The following NEDD1 variants were observed in gnomAD, a reference collection of about 807,000 sequenced individuals.
NEDD1 encodes NEDD1 gamma-tubulin ring complex targeting factor.
Under a neutral mutation model 74.0 loss-of-function variants are expected in NEDD1, and 33 were observed. The ratio of observed to expected loss-of-function variants is 0.45; its 90% CI spans 0.34 to 0.60. The LOEUF (loss-of-function observed/expected upper bound fraction) is 0.60. NEDD1 is among the 20% of genes least tolerant of loss of function. The pLI is 0.01. For missense variants in NEDD1, 746 were observed against 776.5 expected (o/e 0.96, Z 0.47); for synonymous variants, 250 against 264.4 (o/e 0.95, Z 0.53).
chr12:96,907,356 C>T (rs1440124588), intron 1 of NEDD1, 56 bp downstream of exon 1: 3 of 404,082 alleles, frequency 7.4e-6, no homozygotes, highest in Non-Finnish European at 1.3e-5. Context: ...GTCCGCGCAC[C>T]CTCCCGATCC....
chr12:96,909,969 A>T, intron 3 of NEDD1, 74 bp downstream of exon 3: 1 of 1,510,612 alleles, frequency 6.6e-7, no homozygotes, highest in Non-Finnish European at 8.9e-7. Context: ...ACTGTCAATG[A>T]AACTTTTGCA....
chr12:96,920,382 G>A (rs1180351608), intron 6 of NEDD1, among the ~76,000 whole-genome samples: 1 of 151,660 alleles, frequency 6.6e-6, no homozygotes, highest in African/African-American at 2.4e-5. Flanking sequence ...ACAAATAGTT[G>A]TTAATAGGTT....
rs1878750125 is a variant in NEDD1 at position 96,951,982 on chromosome 12, G to A, written c.1912G>A (p.Val638Met). 1 of 1,600,356 alleles carries A rather than the reference G, an allele frequency of 6.2e-7. No homozygotes were observed. Among genetic ancestry groups the A allele is most frequent in the African/African-American group, 1.3e-5 (1 of 74,584 alleles). Residue 638 changes from valine to methionine, a missense_variant, in exon 16 of 16, where the codon GTG (valine) becomes ATG (methionine). Physicochemically the swap from Val to Met is conservative, Grantham distance 21. Coordinates refer to ENST00000266742, the MANE Select transcript of NEDD1 (RefSeq NM_152905.4). ...EMHSLLERYSVNEGLVAEIER... is the reference protein window; with the variant it reads ...EMHSLLERYSMNEGLVAEIER... The stretch of plus-strand genomic sequence containing the variant: ...GCATTCTTTGCTGGAAAGATACTCA[G>A]TGAATGAAGGTTTAGTGGCTGAAAT...
intron 4 of NEDD1, among the ~76,000 whole-genome samples, chr12:96,916,159 A>G (rs1326263713): frequency 6.6e-6 from 1 of 151,926 alleles, no homozygotes; most frequent in Non-Finnish European, 1.5e-5. Flanking sequence ...GGTAGGGCCC[A>G]AATAATAGGA....
rs4762341 is a variant in NEDD1, at chr12:96,944,129, C to G, written c.1497+367C>G. The stretch of plus-strand genomic sequence containing the variant: ...GAATGGAATTTATCATTGTTACTTT[C>G]TGCTAAAATATATATATATAATACA... On this transcript the variant is annotated intron_variant, in intron 12 of 15. Transcript: ENST00000266742. Among the ~76,000 whole-genome samples the G allele has an allele frequency of 1.0e-2, 1,516 of 152,016 alleles. 67 individuals carry two copies. The highest frequency in any genetic ancestry group is 0.094 in the East Asian group (488 of 5,166).
chr12:96,917,743 C>T lies in NEDD1; in HGVS notation c.348+6C>T. ...GAGTTCATCGATCTCTTAAGGTAAGCAATTTAAAAAAAATCTTCATGAAAA... is the reference window on the plus strand; with the variant it reads ...GAGTTCATCGATCTCTTAAGGTAAGTAATTTAAAAAAAATCTTCATGAAAA... On this transcript the variant is annotated splice_donor_region_variant and intron_variant, in intron 5 of 15. Coordinates refer to ENST00000266742, the MANE Select transcript of NEDD1 (RefSeq NM_152905.4). 1.3e-6 allele frequency: 2 copies of T among 1,538,666 alleles called. No homozygotes were observed. The highest frequency in any genetic ancestry group is 1.7e-6 in the Non-Finnish European group (2 of 1,155,330).
chr12:96,935,684 T>C (rs914315987), intron 7 of NEDD1, among the ~76,000 whole-genome samples: 3 of 152,152 alleles, frequency 2.0e-5, no homozygotes, highest in African/African-American at 7.2e-5. Flanking sequence ...CATTGTCAGA[T>C]GTCCCCTGGT....
At chr12:96,947,489 G>A (rs1878309107) in intron 14 of NEDD1, among the ~76,000 whole-genome samples, 1 of 152,174 alleles carries the variant, frequency 6.6e-6, no homozygotes, top group African/African-American at 2.4e-5. Flanking sequence ...AGTTGTGAAG[G>A]TCTTAACACA....
intron 10 of NEDD1, among the ~76,000 whole-genome samples, chr12:96,942,179 A>C (rs182680156): frequency 5.3e-4 from 81 of 152,100 alleles, no homozygotes; most frequent in African/African-American, 1.6e-3. Flanking sequence ...TTGTGAGCTT[A>C]TCTGGACATT....
rs1877203780 is a variant in NEDD1 at position 96,937,217 on chromosome 12, G to A, written c.941G>A (p.Cys314Tyr). 1 of 1,599,980 alleles carries A rather than the reference G, an allele frequency of 6.3e-7. No homozygotes were observed. The highest frequency in any genetic ancestry group is 8.5e-7 in the Non-Finnish European group (1 of 1,172,926). Reference protein sequence around the residue: ...VLTKSSLNKGCSNKPTTVNKR... With the variant: ...VLTKSSLNKGYSNKPTTVNKR... ...TTTCAGTCAAGTTTAAATAAAGGCT[G>A]TTCAAATAAGCCCACAACAGTGAAC... The change falls in exon 9 of 16, where the codon TGT becomes TAT. Residue 314 changes from cysteine (C) to tyrosine (Y), a missense_variant. Coordinates refer to ENST00000266742, the MANE Select transcript of NEDD1 (RefSeq NM_152905.4).
Position 96,940,542 on chromosome 12 carries a change from GTC to G in NEDD1, c.1246+7_1246+8del, listed in dbSNP as rs1877566508. 1 of 1,596,100 alleles carries G rather than the reference GTC, an allele frequency of 6.3e-7. No homozygotes were observed. Among genetic ancestry groups the G allele is most frequent in the Admixed American group, 1.7e-5 (1 of 58,968 alleles). ...TGTTCTCACCTATCAGAGATGGTAA[GTC>G]TGTTCAGAGGATCCTGTTCTCTTGC... On this transcript the variant is annotated splice_donor_region_variant and intron_variant, in intron 10 of 15. Transcript: ENST00000266742.
intron 3 of NEDD1, among the ~76,000 whole-genome samples, chr12:96,911,465 A>G (rs1282067225): frequency 6.6e-6 from 1 of 152,190 alleles, no homozygotes; most frequent in Non-Finnish European, 1.5e-5. Flanking sequence ...GATCACTTCC[A>G]TGGAGGTTAA....
intron 6 of NEDD1, among the ~76,000 whole-genome samples, chr12:96,921,039 G>T (rs1173477873): frequency 6.6e-6 from 1 of 152,114 alleles, no homozygotes; most frequent in Non-Finnish European, 1.5e-5. Context: ...GACTATCTGG[G>T]AATAAAATAG....
intron 14 of NEDD1, among the ~76,000 whole-genome samples, chr12:96,949,105 C>T (rs1419881308): frequency 2.6e-5 from 4 of 152,160 alleles, no homozygotes; most frequent in Non-Finnish European, 5.9e-5. Context: ...TCTCAACCTC[C>T]AGGCCACTGC....
chr12:96,943,660 T>C lies in NEDD1; in HGVS notation c.1395T>C (p.Phe465=). ...TGCATTCTAGTCCTCTTAATGTTTT[T>C]ATGGGATCTCCAGGGAAAGAGGAAA... is the stretch of plus-strand genomic sequence containing the variant. ...SVLHSSPLNV[F]MGSPGKEENE... is the part of the protein sequence containing the mutation. Residue 465 remains phenylalanine (F), a synonymous_variant, in exon 12 of 16, where the codon TTT becomes TTC. Transcript: ENST00000266742. 1 of 1,611,474 alleles carries C rather than the reference T, an allele frequency of 6.2e-7. No homozygotes were observed. The highest frequency in any genetic ancestry group is 1.3e-5 in the African/African-American group (1 of 74,974).
intron 14 of NEDD1, among the ~76,000 whole-genome samples, chr12:96,949,736 C>T (rs189222275): frequency 2.0e-5 from 3 of 151,908 alleles, no homozygotes; most frequent in Non-Finnish European, 2.9e-5. Flanking sequence ...TGGAAAGAAA[C>T]CTATGCATAT....
At chr12:96,913,287 C>T (rs1874110231) in intron 4 of NEDD1, among the ~76,000 whole-genome samples, 1 of 152,176 alleles carries the variant, frequency 6.6e-6, no homozygotes, top group African/African-American at 2.4e-5. Context: ...CTCCCCCATA[C>T]TCTCCTTAAA....
chr12:96,926,988 T>A lies in NEDD1; in HGVS notation c.489+6863T>A, dbSNP rs117089985. Among the ~76,000 whole-genome samples the A allele has an allele frequency of 3.5e-3, 514 of 147,812 alleles. 1 individual carries two copies. The highest frequency in any genetic ancestry group is 8.6e-3 in the African/African-American group (343 of 39,998). On this transcript the variant is annotated intron_variant, in intron 6 of 15. Coordinates refer to ENST00000266742, the MANE Select transcript of NEDD1 (RefSeq NM_152905.4). ...GGTGACAGAGCGAAAAAAAAAAAAA[T>A]TGTGTGTGTGTGTGTGTGTGTATAA...
intron 9 of NEDD1, among the ~76,000 whole-genome samples, chr12:96,939,253 G>C (rs913789173): frequency 2.0e-5 from 3 of 151,978 alleles, no homozygotes; most frequent in African/African-American, 7.2e-5. Context: ...AAGAAGAAAA[G>C]AATAAGACTT....
Sources: allele counts gnomAD v4.1 joint callset (sites outside exome capture counted in the v4.1 genomes callset), GRCh38; gene constraint gnomAD v4.1.1; transcripts MANE v1.5; gene names NCBI Gene and HGNC (gene_info 2026-07-23, HGNC 2026-07-21).